The following SNX29 variants were observed in gnomAD, a reference collection of about 807,000 sequenced individuals.
The protein encoded by SNX29 is sorting nexin 29, also known as sorting nexin-29.
A neutral mutation model predicts 102.1 loss-of-function variants in SNX29; 78 were observed. The ratio of observed to expected loss-of-function variants is 0.76; its 90% CI spans 0.64 to 0.92. The LOEUF (loss-of-function observed/expected upper bound fraction) is 0.92, where lower values mean the gene tolerates loss of function less well. Among genes scored for constraint, SNX29 ranks in the 40% least tolerant of loss-of-function variants. The probability of loss-of-function intolerance (pLI) is 0.00; values close to 1 mark genes in which losing one functional copy is unlikely to be tolerated. For missense variants in SNX29, 1,280 were observed against 1,061.7 expected (o/e 1.21, Z -2.86); for synonymous variants, 580 against 414.5 (o/e 1.40, Z -4.85).
chr16:12,173,871 C>T (rs985512373), intron 13 of SNX29, among the ~76,000 whole-genome samples: 2 of 152,210 alleles, frequency 1.3e-5, no homozygotes, highest in African/African-American at 4.8e-5. Flanking sequence ...ACTCTGCCTC[C>T]CGGCTTCAAG....
chr16:12,317,337 C>T (rs532631159), intron 15 of SNX29, among the ~76,000 whole-genome samples: 1 of 152,332 alleles, frequency 6.6e-6, no homozygotes, highest in East Asian at 1.9e-4. Flanking sequence ...CTCGTCTTCC[C>T]CCTGGCTTCT....
intron 20 of SNX29, chr16:12,545,348 G>GTA (rs2077543681): frequency 6.6e-6 from 1 of 151,886 alleles, no homozygotes; most frequent in Non-Finnish European, 1.5e-5. Flanking sequence ...ATAGTTCCAA[G>GTA]TACATACAGA....
intron 13 of SNX29, among the ~76,000 whole-genome samples, chr16:12,188,592 GCTGTTTCTCTGGCT>G (rs1436437095): frequency 4.6e-5 from 7 of 152,136 alleles, no homozygotes; most frequent in Non-Finnish European, 1.0e-4. Context: ...AGTTGTTTGG[GCTGTTTCTCTGGCT>G]CTGGATATGC....
intron 8 of SNX29, among the ~76,000 whole-genome samples, chr16:12,054,142 A>T (rs1029685294): frequency 2.6e-4 from 40 of 151,864 alleles, no homozygotes; most frequent in African/African-American, 9.2e-4. Flanking sequence ...TAATTTTTGT[A>T]TTTTTAGTAG....
intron 1 of SNX29, among the ~76,000 whole-genome samples, chr16:11,993,594 G>C (rs563008677): frequency 6.6e-6 from 1 of 152,242 alleles, no homozygotes; most frequent in South Asian, 2.1e-4. Context: ...GAAGAGGTAG[G>C]TTCTATGATG....
intron 15 of SNX29, among the ~76,000 whole-genome samples, chr16:12,348,469 T>C (rs1310344528): frequency 6.6e-6 from 1 of 152,234 alleles, no homozygotes; most frequent in East Asian, 1.9e-4. Flanking sequence ...AGAGCCCACA[T>C]GGCTTTTCCC....
intron 15 of SNX29, among the ~76,000 whole-genome samples, chr16:12,343,834 C>A (rs1359802384): frequency 6.6e-6 from 1 of 152,196 alleles, no homozygotes; most frequent in South Asian, 2.1e-4. Context: ...GAATGAATGA[C>A]TGAATAAGTA....
rs370310558 is a variant in SNX29 at position 12,398,469 on chromosome 16, G to T, written c.1923G>T (p.Thr641=). 6.2e-7 allele frequency: 1 copy of T among 1,613,982 alleles called. No individual in the cohort carries two copies. The highest frequency in any genetic ancestry group is 8.5e-7 in the Non-Finnish European group (1 of 1,179,888). ...RGPVPGDLSQ[T]SEDQSLSDFE... is the part of the protein sequence containing the mutation. ...AGGTGCCTGGAGATTTGAGTCAAAC[G>T]TCCGAAGACCAGAGTTTGTCGGATT... Residue 641 remains threonine (T), a synonymous_variant, in exon 17 of 21, where the codon ACG becomes ACT. Coordinates refer to ENST00000566228, the MANE Select transcript of SNX29 (RefSeq NM_032167.5).
At chr16:12,200,279 T>C (rs1596488929) in intron 14 of SNX29, among the ~76,000 whole-genome samples, 1 of 152,162 alleles carries the variant, frequency 6.6e-6, no homozygotes, top group South Asian at 2.1e-4. Context: ...AGAACAGTCA[T>C]GAAGATCTTG....
At chr16:12,304,156 G>T (rs753143890) in intron 15 of SNX29, among the ~76,000 whole-genome samples, 12 of 151,932 alleles carry the variant, frequency 7.9e-5, no homozygotes, top group Non-Finnish European at 1.8e-4. Context: ...TCTTTTGGAG[G>T]CTGTGAATCC....
At chr16:12,378,442 G>C (rs8048724) in intron 16 of SNX29, among the ~76,000 whole-genome samples, 61,432 of 152,062 alleles carry the variant, frequency 0.4, 13,784 homozygotes, top group East Asian at 0.58. Flanking sequence ...CTGAGGTCAG[G>C]AGTTCAAGAC....
At chr16:12,560,541 T>C (rs553222006) in intron 20 of SNX29, among the ~76,000 whole-genome samples, 1 of 152,226 alleles carries the variant, frequency 6.6e-6, no homozygotes, top group Non-Finnish European at 1.5e-5. Flanking sequence ...TTTCTATTTC[T>C]GGTTGAAACG....
In SNX29 at chr16:12,518,254, C is replaced by A. The variant is rs147886490; in HGVS notation, c.2179-6448C>A. On this transcript the variant is annotated intron_variant, in intron 19 of 20. Coordinates refer to ENST00000566228, the MANE Select transcript of SNX29 (RefSeq NM_032167.5). The stretch of plus-strand genomic sequence containing the variant: ...TGATCAGATCAGCTACCTGATGCCT[C>A]CCACCTCCCGTTGGCTTTGTTCACT... Among the ~76,000 whole-genome samples, 1,252 of 152,226 alleles carry A rather than the reference C, an allele frequency of 8.2e-3. 17 individuals are homozygous for A. Among genetic ancestry groups the A allele is most frequent in the African/African-American group, 0.029 (1,203 of 41,538 alleles).
chr16:12,212,550 A>G (rs1445384872), intron 14 of SNX29, among the ~76,000 whole-genome samples: 1 of 152,182 alleles, frequency 6.6e-6, no homozygotes, highest in Non-Finnish European at 1.5e-5. Context: ...TCACGGAATA[A>G]GTTGCCATCT....
intron 15 of SNX29, among the ~76,000 whole-genome samples, chr16:12,312,058 G>A (rs1377083415): frequency 6.6e-6 from 1 of 152,170 alleles, no homozygotes; most frequent in Non-Finnish European, 1.5e-5. Flanking sequence ...GCTGGGCAGA[G>A]TTTAGCTACT....
At chr16:12,225,490 T>A (rs935013505) in intron 14 of SNX29, among the ~76,000 whole-genome samples, 1 of 152,238 alleles carries the variant, frequency 6.6e-6, no homozygotes, top group Non-Finnish European at 1.5e-5. Context: ...CTCTCTTTGA[T>A]GTCTGCCATC....
At chr16:11,997,909 A>G (rs1451844576) in intron 1 of SNX29, among the ~76,000 whole-genome samples, 2 of 152,212 alleles carry the variant, frequency 1.3e-5, no homozygotes, top group African/African-American at 4.8e-5. Flanking sequence ...AACACACACA[A>G]TCACTTGACT....
chr16:12,147,125 G>A (rs1305219073), intron 13 of SNX29, among the ~76,000 whole-genome samples: 1 of 152,348 alleles, frequency 6.6e-6, no homozygotes. Context: ...GAACATCTGT[G>A]TTTTGAAGCG....
At chr16:12,211,651 G>C (rs1473324596) in intron 14 of SNX29, among the ~76,000 whole-genome samples, 1 of 152,186 alleles carries the variant, frequency 6.6e-6, no homozygotes. Flanking sequence ...GTCAACTCCA[G>C]AATCTGCAGG....
Sources: gnomAD v4.1 joint callset for allele counts (sites outside exome capture counted in the v4.1 genomes callset) on GRCh38, gnomAD v4.1.1 for gene constraint, MANE v1.5 for transcripts, NCBI Gene and HGNC (gene_info 2026-07-23, HGNC 2026-07-21) for gene names.